Variants in ROBO1 observed in about 807,000 individuals in gnomAD.
ROBO1 encodes the protein roundabout homolog 1.
In ROBO1, 149 loss-of-function variants were observed where a neutral mutation model predicts 195.9. That is an observed-to-expected ratio of 0.76 (90% CI 0.67 to 0.87). The LOEUF (loss-of-function observed/expected upper bound fraction) is 0.87, where lower values mean the gene tolerates loss of function less well. Among genes scored for constraint, ROBO1 ranks in the 40% least tolerant of loss-of-function variants. The pLI, the probability that ROBO1 is intolerant of heterozygous loss-of-function variation, is 0.00. For missense variants in ROBO1, 1,933 were observed against 2,068.3 expected (o/e 0.93, Z 1.27); for synonymous variants, 816 against 733.2 (o/e 1.11, Z -1.82).
At chr3:78,929,098 C>T (rs943752945) in intron 4 of ROBO1, among the ~76,000 whole-genome samples, 1 of 152,082 alleles carries the variant, frequency 6.6e-6, no homozygotes, top group Non-Finnish European at 1.5e-5. Context: ...TACTAAATAA[C>T]TTGATCATAA....
chr3:78,667,763 G>A (rs952434258), intron 14 of ROBO1, 120 bp downstream of exon 14: 7 of 994,404 alleles, frequency 7.0e-6, no homozygotes, highest in Non-Finnish European at 8.6e-6. Flanking sequence ...AGCAACTTGG[G>A]CAACTTGAAC....
At chr3:78,695,149 T>G (rs185873870) in intron 8 of ROBO1, among the ~76,000 whole-genome samples, 3 of 148,762 alleles carry the variant, frequency 2.0e-5, no homozygotes, top group African/African-American at 7.4e-5. Flanking sequence ...GGACTAGCAT[T>G]AGGAGATACA....
intron 2 of ROBO1, among the ~76,000 whole-genome samples, chr3:79,388,980 C>T (rs1313617173): frequency 6.6e-6 from 1 of 151,956 alleles, no homozygotes; most frequent in East Asian, 1.9e-4. Flanking sequence ...AAAAAGTAAA[C>T]TTCATAAAGG....
chr3:79,053,573 A>T (rs1205106927), intron 3 of ROBO1, among the ~76,000 whole-genome samples: 2 of 151,728 alleles, frequency 1.3e-5, no homozygotes, highest in African/African-American at 2.4e-5. Flanking sequence ...TGGTTCCTCA[A>T]CCGGTCACTT....
intron 10 of ROBO1, among the ~76,000 whole-genome samples, chr3:78,679,967 C>CTGG (rs1334516537): frequency 6.6e-6 from 1 of 152,140 alleles, no homozygotes; most frequent in Non-Finnish European, 1.5e-5. Flanking sequence ...CAGCATGGTA[C>CTGG]TGGTACCAAA....
intron 4 of ROBO1, among the ~76,000 whole-genome samples, chr3:78,863,762 G>C (rs1167025271): frequency 1.3e-5 from 2 of 152,158 alleles, no homozygotes; most frequent in Non-Finnish European, 2.9e-5. Context: ...AGTCGGCATT[G>C]CACTGCAAGC....
At chr3:79,319,690 T>C (rs1333842393) in intron 2 of ROBO1, among the ~76,000 whole-genome samples, 4 of 152,316 alleles carry the variant, frequency 2.6e-5, no homozygotes, top group African/African-American at 4.8e-5. Flanking sequence ...ATGACTTAAA[T>C]GTATTAAAAT....
At chr3:79,710,816 T>C (rs1702247792) in intron 1 of ROBO1, among the ~76,000 whole-genome samples, 2 of 152,186 alleles carry the variant, frequency 1.3e-5, no homozygotes, top group South Asian at 4.1e-4. Context: ...TGAAGGAACC[T>C]ACTTGTCAAC....
In ROBO1 at chr3:79,191,273, A is replaced by C. The variant is rs946442101; in HGVS notation, c.89-65734T>G. Reference sequence around the variant, plus strand: ...ATATGATTTATGCATTGATTTTTACATAAGGCATACCATCATATTATGTAG... The same window carrying C: ...ATATGATTTATGCATTGATTTTTACCTAAGGCATACCATCATATTATGTAG... On this transcript the variant is annotated intron_variant, in intron 2 of 30. Transcript: ENST00000464233. Among the ~76,000 whole-genome samples the C allele has an allele frequency of 2.6e-5, 4 of 151,426 alleles. No homozygotes were observed. In the Admixed American group the frequency reaches 2.6e-4, roughly 10 times the overall value.
At chr3:78,608,108 A>G (rs193010754) in intron 28 of ROBO1, among the ~76,000 whole-genome samples, 1 of 152,226 alleles carries the variant, frequency 6.6e-6, no homozygotes, top group Non-Finnish European at 1.5e-5. Context: ...TGTAACTTAT[A>G]TAATTTAATT....
intron 4 of ROBO1, among the ~76,000 whole-genome samples, chr3:78,805,031 T>C (rs2084493059): frequency 6.6e-6 from 1 of 152,110 alleles, no homozygotes; most frequent in South Asian, 2.1e-4. Flanking sequence ...GTTTATTAAA[T>C]GCCCCTTTCC....
At chr3:79,413,836 G>A (rs905881394) in intron 2 of ROBO1, among the ~76,000 whole-genome samples, 16 of 152,042 alleles carry the variant, frequency 1.1e-4, no homozygotes, top group African/African-American at 3.6e-4. Flanking sequence ...TAAATTCAAT[G>A]AAAATCCATA....
At chr3:79,220,376 ACT>A (rs1243366028) in intron 2 of ROBO1, among the ~76,000 whole-genome samples, 1 of 152,050 alleles carries the variant, frequency 6.6e-6, no homozygotes, top group Non-Finnish European at 1.5e-5. Context: ...CCAGTTTGAG[ACT>A]CTGTTGTGTT....
intron 3 of ROBO1, among the ~76,000 whole-genome samples, chr3:79,076,982 C>A (rs2079184985): frequency 1.3e-5 from 2 of 151,776 alleles, no homozygotes; most frequent in Non-Finnish European, 2.9e-5. Context: ...ATTTCTTGTT[C>A]TTATATTTTT....
intron 2 of ROBO1, among the ~76,000 whole-genome samples, chr3:79,316,802 C>T (rs1347381039): frequency 6.6e-6 from 1 of 152,056 alleles, no homozygotes; most frequent in Non-Finnish European, 1.5e-5. Context: ...GATTATGCCA[C>T]TCTGAAATTA....
At chr3:78,900,691 T>A (rs568266095) in intron 4 of ROBO1, among the ~76,000 whole-genome samples, 1 of 152,164 alleles carries the variant, frequency 6.6e-6, no homozygotes, top group Non-Finnish European at 1.5e-5. Flanking sequence ...GATGTTCAGC[T>A]ATGATTTTTG....
At chr3:79,752,942 T>C (rs1371549478) in intron 1 of ROBO1, among the ~76,000 whole-genome samples, 1 of 151,520 alleles carries the variant, frequency 6.6e-6, no homozygotes, top group Non-Finnish European at 1.5e-5. Context: ...CAGTAGGGAG[T>C]GGGGAAAATC....
intron 4 of ROBO1, among the ~76,000 whole-genome samples, chr3:78,930,737 A>G (rs2107644448): frequency 6.6e-6 from 1 of 152,230 alleles, no homozygotes; most frequent in Non-Finnish European, 1.5e-5. Context: ...CTCTATTACT[A>G]CCACCAGCTT....
chr3:79,477,899 A>G (rs1156460022), intron 2 of ROBO1, among the ~76,000 whole-genome samples: 2 of 152,208 alleles, frequency 1.3e-5, no homozygotes, highest in African/African-American at 4.8e-5. Flanking sequence ...CCAAAGGCCT[A>G]TGCATGCTTT....
Sources: gnomAD v4.1 joint callset for allele counts (sites outside exome capture counted in the v4.1 genomes callset) on GRCh38, gnomAD v4.1.1 for gene constraint, MANE v1.5 for transcripts, NCBI Gene and HGNC (gene_info 2026-07-23, HGNC 2026-07-21) for gene names.